POT1: variants seen among roughly 807,000 people sequenced by gnomAD.
POT1 encodes the protein protection of telomeres 1.
Under a neutral mutation model 78.5 loss-of-function variants are expected in POT1, and 47 were observed. The ratio of observed to expected loss-of-function variants is 0.60; its 90% CI spans 0.47 to 0.76. POT1 has a LOEUF of 0.76. POT1 is among the 30% of genes least tolerant of loss of function. The pLI is 0.00. For missense variants in POT1, 646 were observed against 749.9 expected (o/e 0.86, Z 1.62); for synonymous variants, 259 against 260.7 (o/e 0.99, Z 0.06).
At chr7:124,850,187 A>G (rs1390078122) in intron 11 of POT1, among the ~76,000 whole-genome samples, 1 of 152,246 alleles carries the variant, frequency 6.6e-6, no homozygotes, top group Non-Finnish European at 1.5e-5. Flanking sequence ...ACACCAGGCC[A>G]AAACGTTATC....
chr7:124,823,696 G>A lies in POT1; in HGVS notation c.*266C>T, dbSNP rs1794561310. ...TTGCCATTTCTACTTAAAGTACACT[G>A]TAGCTTGATCAGACACTTATCTCAG... On this transcript the variant is annotated 3_prime_UTR_variant, in exon 19 of 19. Coordinates refer to ENST00000357628, the MANE Select transcript of POT1 (RefSeq NM_015450.3). 8.3e-6 allele frequency: 3 copies of A among 361,324 alleles called. No homozygotes were observed. Among genetic ancestry groups the A allele is most frequent in the Non-Finnish European group, 5.0e-6 (1 of 201,892 alleles). 22.4% of individuals were successfully genotyped at this position (361,324 alleles called of 1,614,324 possible). A position where few individuals can be genotyped will look rare whatever the true frequency, so the allele number is the denominator to read the frequency against.
At chr7:124,850,653 C>T (rs1196906606) in intron 11 of POT1, among the ~76,000 whole-genome samples, 1 of 151,436 alleles carries the variant, frequency 6.6e-6, no homozygotes, top group Non-Finnish European at 1.5e-5. Flanking sequence ...ATGCCCTGAA[C>T]CCGGGAGGCG....
rs1009470929 is a variant in POT1 at position 124,823,783 on chromosome 7, T to C, written c.*179A>G. ...AAAACAGAAAGCAAAACAAAATCCA[T>C]AGCCATTATTTACCTTGCACCCAGT... On this transcript the variant is annotated 3_prime_UTR_variant, in exon 19 of 19. Coordinates refer to ENST00000357628, the MANE Select transcript of POT1 (RefSeq NM_015450.3). 10 of 552,348 alleles carry C rather than the reference T, an allele frequency of 1.8e-5. No individual in the cohort carries two copies. The highest frequency in any genetic ancestry group is 1.2e-4 in the African/African-American group (6 of 50,494). 34.2% of individuals were successfully genotyped at this position (552,348 alleles called of 1,614,324 possible). A position where few individuals can be genotyped will look rare whatever the true frequency, so the allele number is the denominator to read the frequency against.
At chr7:124,860,092 A>G (rs1795550212) in intron 8 of POT1, among the ~76,000 whole-genome samples, 1 of 152,052 alleles carries the variant, frequency 6.6e-6, no homozygotes, top group African/African-American at 2.4e-5. Flanking sequence ...TCTGTTATTA[A>G]AAAATATAAT....
chr7:124,873,595 G>C (rs1343358085), intron 6 of POT1, among the ~76,000 whole-genome samples: 2 of 152,092 alleles, frequency 1.3e-5, no homozygotes, highest in African/African-American at 4.8e-5. Context: ...CAGTATCAGA[G>C]TGATGCTGGC....
At chr7:124,925,754 T>C (rs892484112) in intron 2 of POT1, among the ~76,000 whole-genome samples, 3 of 152,084 alleles carry the variant, frequency 2.0e-5, no homozygotes, top group South Asian at 4.1e-4. Context: ...AGTATAAAAA[T>C]AGACACACAG....
intron 6 of POT1, among the ~76,000 whole-genome samples, chr7:124,888,852 AT>A (rs1270377714): frequency 6.6e-6 from 1 of 151,222 alleles, no homozygotes. Context: ...TACTTAACCA[AT>A]AAATATGTGT....
intron 11 of POT1, among the ~76,000 whole-genome samples, chr7:124,847,999 G>GA (rs978861226): frequency 1.3e-5 from 2 of 151,990 alleles, no homozygotes; most frequent in Admixed American, 6.6e-5. Context: ...CCTATCTAAA[G>GA]AAAAAATGTC....
chr7:124,837,556 T>C (rs181884072), intron 14 of POT1, among the ~76,000 whole-genome samples: 1 of 152,202 alleles, frequency 6.6e-6, no homozygotes, highest in Non-Finnish European at 1.5e-5. Context: ...TAGGTCTATG[T>C]CTATAGAGAA....
chr7:124,876,754 T>C (rs1467262812), intron 6 of POT1, among the ~76,000 whole-genome samples: 3 of 95,508 alleles, frequency 3.1e-5, no homozygotes, highest in Admixed American at 1.0e-4. Context: ...TTGTGCACTT[T>C]TGTGGACATT....
At chr7:124,914,801 G>A (rs1321427943) in intron 3 of POT1, among the ~76,000 whole-genome samples, 1 of 152,058 alleles carries the variant, frequency 6.6e-6, no homozygotes, top group Non-Finnish European at 1.5e-5. Context: ...TATAAGACTT[G>A]AGCATCCACA....
intron 5 of POT1, among the ~76,000 whole-genome samples, chr7:124,893,692 C>T (rs1211758636): frequency 6.6e-6 from 1 of 151,554 alleles, no homozygotes; most frequent in Admixed American, 6.6e-5. Flanking sequence ...TTTGCACATG[C>T]AACCCATGCA....
chr7:124,887,678 A>G (rs1245281529), intron 6 of POT1, among the ~76,000 whole-genome samples: 2 of 152,082 alleles, frequency 1.3e-5, no homozygotes, highest in African/African-American at 4.8e-5. Context: ...TCTCTGAAAT[A>G]CGGCTCTATC....
chr7:124,923,377 A>G (rs1265321515), intron 2 of POT1, among the ~76,000 whole-genome samples: 1 of 151,896 alleles, frequency 6.6e-6, no homozygotes, highest in Non-Finnish European at 1.5e-5. Context: ...AGAAAATACA[A>G]AATATATTCA....
At position 124,851,873 on chromosome 7, in the gene POT1, T is replaced by C. The variant is rs1453776479; in HGVS notation, c.948A>G (p.Pro316=). ...ICQSEPDDSF[P]SSGSVSLYEV... is the part of the protein sequence containing the mutation. The stretch of plus-strand genomic sequence containing the variant: ...GTCAATGTTAAAGATTATCCTTACT[T>C]GGAAAGCTGTCGTCAGGTTCTGATT... The change falls in exon 11 of 19, where the codon CCA becomes CCG. Residue 316 remains proline, a splice_region_variant and synonymous_variant. Coordinates refer to ENST00000357628, the MANE Select transcript of POT1 (RefSeq NM_015450.3). 2.4e-5 allele frequency: 39 copies of C among 1,598,114 alleles called. No homozygotes were observed. The Admixed American group carries it at 6.3e-4, about 26-fold the overall frequency.
At chr7:124,846,183 A>C (rs868118319) in intron 12 of POT1, among the ~76,000 whole-genome samples, 13 of 151,212 alleles carry the variant, frequency 8.6e-5, no homozygotes, top group African/African-American at 2.2e-4. Context: ...ACACACACAC[A>C]CCCCTATAAT....
At chr7:124,875,162 CAAAATAGAG>C (rs1795959478) in intron 6 of POT1, among the ~76,000 whole-genome samples, 1 of 151,944 alleles carries the variant, frequency 6.6e-6, no homozygotes, top group Non-Finnish European at 1.5e-5. Flanking sequence ...ATTTATTTTC[CAAAATAGAG>C]AACACATTCT....
chr7:124,876,975 T>C (rs1197012378), intron 6 of POT1, among the ~76,000 whole-genome samples: 1 of 152,046 alleles, frequency 6.6e-6, no homozygotes, highest in East Asian at 1.9e-4. Flanking sequence ...CAAAAGTAAA[T>C]TGTTCAAGAA....
chr7:124,836,946 TA>T lies in POT1; in HGVS notation c.1370-1533del, dbSNP rs375445161. On this transcript the variant is annotated intron_variant, in intron 14 of 18. Coordinates refer to ENST00000357628, the MANE Select transcript of POT1 (RefSeq NM_015450.3). Reference sequence around the variant, plus strand: ...TAGTAGGCATTCAATAAACATGTGCTAAACAAATGAATAAGAACAAAGAAAG... The same window carrying T: ...TAGTAGGCATTCAATAAACATGTGCTAACAAATGAATAAGAACAAAGAAAG... Among the ~76,000 whole-genome samples, 1,168 of 152,314 alleles carry T rather than the reference TA, an allele frequency of 7.7e-3. 23 individuals are homozygous for T. Among genetic ancestry groups the T allele is most frequent in the African/African-American group, 0.026 (1,094 of 41,562 alleles).
Sources: gnomAD v4.1 joint callset for allele counts (sites outside exome capture counted in the v4.1 genomes callset) on GRCh38, gnomAD v4.1.1 for gene constraint, MANE v1.5 for transcripts, NCBI Gene and HGNC (gene_info 2026-07-23, HGNC 2026-07-21) for gene names.